RANBP2: variants seen among roughly 807,000 people sequenced by gnomAD.
RANBP2 encodes the protein E3 SUMO-protein ligase RanBP2.
RANBP2 carries 57 observed loss-of-function variants against 303.6 expected under a neutral mutation model. The observed-to-expected ratio is 0.19, with a 90% CI of 0.15 to 0.23. The LOEUF (loss-of-function observed/expected upper bound fraction) is 0.23. RANBP2 is among the 10% of genes least tolerant of loss of function. The pLI is 1.00. For synonymous variants in RANBP2, 1,167 were observed against 1,301.5 expected (o/e 0.90, Z 2.23); for missense variants, 3,138 against 3,780.8 (o/e 0.83, Z 4.46).
chr2:108,879,206 G>A, the RANBP2 span, among the ~76,000 whole-genome samples: 8 of 152,120 alleles, frequency 5.3e-5, no homozygotes, highest in African/African-American at 1.4e-4. Context: ...TCCTGAGCTC[G>A]AGCAGTCTTC....
chr2:109,457,847 C>A, the RANBP2 span, among the ~76,000 whole-genome samples: 1 of 152,090 alleles, frequency 6.6e-6, no homozygotes, highest in South Asian at 2.1e-4. Context: ...AAGGTAATGC[C>A]CACACATCAG....
At chr2:109,085,332 CTTGCTCTG>C in the RANBP2 span, among the ~76,000 whole-genome samples, 2 of 152,174 alleles carry the variant, frequency 1.3e-5, no homozygotes, top group African/African-American at 2.4e-5. Flanking sequence ...TAGATAGAGT[CTTGCTCTG>C]TCGCCCAGGC....
the RANBP2 span, chr2:109,615,736 C>T: frequency 6.2e-7 from 1 of 1,613,968 alleles, no homozygotes; most frequent in Non-Finnish European, 8.5e-7. Flanking sequence ...TGGAGGCTTT[C>T]AAAGGTGCTT....
At chr2:109,181,532 G>T in the RANBP2 span, among the ~76,000 whole-genome samples, 1 of 152,240 alleles carries the variant, frequency 6.6e-6, no homozygotes, top group South Asian at 2.1e-4. Context: ...GTACCCAAAA[G>T]TTTCTTTATC....
the RANBP2 span, among the ~76,000 whole-genome samples, chr2:109,671,833 T>C: frequency 6.6e-6 from 1 of 152,296 alleles, no homozygotes; most frequent in Middle Eastern, 3.4e-3. Flanking sequence ...TCTTGGACTT[T>C]TTCAAATTTC....
the RANBP2 span, among the ~76,000 whole-genome samples, chr2:109,106,725 T>C: frequency 2.0e-5 from 3 of 151,740 alleles, no homozygotes; most frequent in African/African-American, 7.3e-5. Flanking sequence ...TAGTCCCAGC[T>C]ACTCAGGAGG....
At chr2:109,378,651 G>C in the RANBP2 span, among the ~76,000 whole-genome samples, 5 of 152,164 alleles carry the variant, frequency 3.3e-5, no homozygotes, top group African/African-American at 7.2e-5. Flanking sequence ...TGGTGTTTTT[G>C]AGGCTCGCTT....
At chr2:109,206,670 G>C in the RANBP2 span, among the ~76,000 whole-genome samples, 6 of 151,936 alleles carry the variant, frequency 3.9e-5, no homozygotes, top group Admixed American at 3.3e-4. Flanking sequence ...TTTTAAATTA[G>C]CTGGGCATAT....
chr2:109,354,483 G>A, the RANBP2 span, among the ~76,000 whole-genome samples: 1 of 152,376 alleles, frequency 6.6e-6, no homozygotes, highest in South Asian at 2.1e-4. Context: ...TTTTACATGT[G>A]ATTCTTCCAC....
At chr2:109,238,453 G>T in the RANBP2 span, among the ~76,000 whole-genome samples, 1 of 9,312 alleles carries the variant, frequency 1.1e-4, no homozygotes, top group Non-Finnish European at 1.9e-4. Context: ...GTATATTTGT[G>T]TGTGTGTGTG....
At chr2:109,353,992 T>G in the RANBP2 span, among the ~76,000 whole-genome samples, 1 of 152,024 alleles carries the variant, frequency 6.6e-6, no homozygotes, top group Admixed American at 6.5e-5. Flanking sequence ...CCCCCCGAAG[T>G]CTCAGTGACA....
At chr2:109,637,482 A>G in the RANBP2 span, among the ~76,000 whole-genome samples, 1 of 152,130 alleles carries the variant, frequency 6.6e-6, no homozygotes, top group African/African-American at 2.4e-5. Context: ...AGACTATCAC[A>G]TGGGGAGAAA....
the RANBP2 span, among the ~76,000 whole-genome samples, chr2:109,078,204 ATATAGCG>A: frequency 6.5e-5 from 7 of 107,340 alleles, 1 homozygote; most frequent in East Asian, 2.5e-4. Context: ...TAGCGTATAT[ATATAGCG>A]TATATATATA....
the RANBP2 span, among the ~76,000 whole-genome samples, chr2:109,253,045 A>G: frequency 6.6e-6 from 1 of 151,946 alleles, no homozygotes; most frequent in Admixed American, 6.6e-5. Flanking sequence ...TTTTTATTTA[A>G]GAGCTAGAGT....
chr2:109,356,341 C>G, the RANBP2 span, among the ~76,000 whole-genome samples: 3 of 152,162 alleles, frequency 2.0e-5, no homozygotes, highest in Non-Finnish European at 2.9e-5. Flanking sequence ...GAAGAGATGC[C>G]TGCTGCCAGG....
the RANBP2 span, among the ~76,000 whole-genome samples, chr2:109,147,117 G>A: frequency 3.9e-5 from 6 of 152,064 alleles, no homozygotes; most frequent in African/African-American, 9.7e-5. Flanking sequence ...ACCCTGGAGC[G>A]AGTCAGAGGG....
chr2:109,261,465 C>T, the RANBP2 span, among the ~76,000 whole-genome samples: 1 of 152,146 alleles, frequency 6.6e-6, no homozygotes, highest in Admixed American at 6.5e-5. Context: ...TGCTTCTTGG[C>T]TTTGGAGGTG....
the RANBP2 span, among the ~76,000 whole-genome samples, chr2:109,414,083 G>A: frequency 4.6e-5 from 7 of 152,294 alleles, no homozygotes; most frequent in East Asian, 1.4e-3. Context: ...GTCTCCTTCT[G>A]TTTATTGGGC....
At chr2:109,091,321 C>T in the RANBP2 span, among the ~76,000 whole-genome samples, 1 of 151,946 alleles carries the variant, frequency 6.6e-6, no homozygotes, top group African/African-American at 2.4e-5. Context: ...TTTTGGTGTC[C>T]TCTCCTTTTA....
Sources: gnomAD v4.1 joint callset for allele counts (sites outside exome capture counted in the v4.1 genomes callset) on GRCh38, gnomAD v4.1.1 for gene constraint, MANE v1.5 for transcripts, NCBI Gene and HGNC (gene_info 2026-07-23, HGNC 2026-07-21) for gene names.